Variants in SHC2 observed in about 807,000 individuals in gnomAD.
The protein encoded by SHC2 is SHC-transforming protein 2.
SHC2 carries 62 observed loss-of-function variants against 60.6 expected under a neutral mutation model. The ratio of observed to expected loss-of-function variants is 1.02; its 90% CI spans 0.83 to 1.26. The LOEUF (loss-of-function observed/expected upper bound fraction) is 1.26, where lower values mean the gene tolerates loss of function less well. Among genes scored for constraint, SHC2 ranks in the 50% most tolerant of loss-of-function variants. The pLI, the probability that SHC2 is intolerant of heterozygous loss-of-function variation, is 0.00. For synonymous variants in SHC2, 375 were observed against 372.4 expected (o/e 1.01, Z -0.08); for missense variants, 873 against 822.2 (o/e 1.06, Z -0.76).
intron 8 of SHC2, among the ~76,000 whole-genome samples, chr19:431,421 T>A (rs867666614): frequency 4.6e-3 from 281 of 60,550 alleles, no homozygotes; most frequent in African/African-American, 0.013. Flanking sequence ...TGAGTGAGAG[T>A]TAGAGGAGGC....
At chr19:439,445 C>CGGG (rs1974805708) in intron 2 of SHC2, 1 of 224,702 alleles carries the variant, frequency 4.5e-6, no homozygotes, top group Admixed American at 5.2e-5. Context: ...GAGCCTGACG[C>CGGG]GGGGTCCGTG....
chr19:443,662 A>ATGGGTGGATGAATGGATGGATGGATGGG (rs1974972127), intron 1 of SHC2, among the ~76,000 whole-genome samples: 1 of 126,866 alleles, frequency 7.9e-6, no homozygotes, highest in Non-Finnish European at 1.6e-5. Context: ...GGGTGGACAG[A>ATGGGTGGATGAATGGATGGATGGATGGG]TGGGTGGATG....
At chr19:457,405 G>GGCCTTTGCACCTGCGCCTGCTGTGCC (rs1248285226) in intron 1 of SHC2, among the ~76,000 whole-genome samples, 2 of 149,116 alleles carry the variant, frequency 1.3e-5, no homozygotes, top group African/African-American at 2.5e-5. Context: ...AAACCCCACG[G>GGCCTTTGCACCTGCGCCTGCTGTGCC]CCGGGGTTTC....
intron 1 of SHC2, among the ~76,000 whole-genome samples, chr19:443,323 T>TGGATGGAC (rs1263710105): frequency 1.0e-4 from 14 of 139,800 alleles, no homozygotes; most frequent in African/African-American, 4.2e-4. Context: ...GATGGGTGGA[T>TGGATGGAC]GGATGGATGG....
rs1196896297 is a variant in SHC2, at chr19:458,644, C to A, written c.468+1885G>T. ...GACGCGGGTTCCGGGGAGGCGGAAGCCGGTCTTGGGGAGGCGGAAGTGGGT... is the reference window on the plus strand; with the variant it reads ...GACGCGGGTTCCGGGGAGGCGGAAGACGGTCTTGGGGAGGCGGAAGTGGGT... On this transcript the variant is annotated intron_variant, in intron 1 of 12. Transcript: ENST00000264554. Among the ~76,000 whole-genome samples, 3 of 101,072 alleles carry A rather than the reference C, an allele frequency of 3.0e-5. No individual in the cohort carries two copies. In the South Asian group the frequency reaches 9.8e-4, roughly 33 times the overall value. The allele number at this position is 101,072 out of a possible 152,430, so 66.3% of individuals were successfully genotyped here.
Position 424,334 on chromosome 19 carries a change from A to G in SHC2, c.1309+763T>C, listed in dbSNP as rs1974354495. On this transcript the variant is annotated intron_variant, in intron 10 of 12. Transcript: ENST00000264554. The surrounding 1 kb of genome is among the most constrained non-coding windows in gnomAD (Gnocchi z 4.5). Reference sequence around the variant, plus strand: ...TCCAGAGGTGGACTAAGCCTCCCTCATTGGACTGGGCGTTCCTTCAAGCAG... The same window carrying G: ...TCCAGAGGTGGACTAAGCCTCCCTCGTTGGACTGGGCGTTCCTTCAAGCAG... Among the ~76,000 whole-genome samples the G allele has an allele frequency of 6.6e-6, 1 of 152,154 alleles. No individual in the cohort carries two copies. Among genetic ancestry groups the G allele is most frequent in the South Asian group, 2.1e-4 (1 of 4,826 alleles).
At chr19:456,824 G>A (rs1435359447) in intron 1 of SHC2, among the ~76,000 whole-genome samples, 3 of 116,126 alleles carry the variant, frequency 2.6e-5, no homozygotes, top group Admixed American at 8.1e-5. Flanking sequence ...CACCTGCTGT[G>A]CCCCTGCCTG....
chr19:456,553 G>A (rs373664502), intron 1 of SHC2, among the ~76,000 whole-genome samples: 32 of 152,066 alleles, frequency 2.1e-4, no homozygotes, highest in African/African-American at 6.5e-4. Context: ...CACACTCTGC[G>A]CCACCCCCTA....
chr19:449,476 G>A (rs796375213), intron 1 of SHC2, among the ~76,000 whole-genome samples: 6 of 152,320 alleles, frequency 3.9e-5, no homozygotes, highest in South Asian at 2.1e-4. Flanking sequence ...AAATGTGATC[G>A]CAGGATTGTA....
At chr19:457,660 T>C (rs1015289576) in intron 1 of SHC2, among the ~76,000 whole-genome samples, 8 of 152,326 alleles carry the variant, frequency 5.3e-5, no homozygotes, top group African/African-American at 1.9e-4. Context: ...AAATATTTCC[T>C]GCAGTGACGG....
At position 438,019 on chromosome 19, in the gene SHC2, CTG is replaced by C. The variant is rs1264161706; in HGVS notation, c.720+697_720+698del. 6.6e-6 allele frequency among the ~76,000 whole-genome samples: 1 copy of C among 152,198 alleles called. No homozygotes were observed. Among genetic ancestry groups the C allele is most frequent in the African/African-American group, 2.4e-5 (1 of 41,440 alleles). On this transcript the variant is annotated intron_variant, in intron 4 of 12. Transcript: ENST00000264554. The surrounding 1 kb of genome is among the most constrained non-coding windows in gnomAD (Gnocchi z 5.0). ...TGGTTTTTTGAGACAGAGTCTCACT[CTG>C]TTGCCCAGGCTGGAGTGCAGTAGTG...
At chr19:423,196 T>C (rs1392988636) in intron 10 of SHC2, among the ~76,000 whole-genome samples, 6 of 42,038 alleles carry the variant, frequency 1.4e-4, no homozygotes, top group African/African-American at 7.4e-4. Context: ...CCTCCCGCCC[T>C]GACCCTCACT....
intron 1 of SHC2, among the ~76,000 whole-genome samples, chr19:451,271 C>T (rs1012670794): frequency 2.1e-5 from 3 of 143,328 alleles, no homozygotes; most frequent in Admixed American, 1.4e-4. Flanking sequence ...CGTGGCTGTG[C>T]TGTATTTCAG....
At chr19:457,014 ACT>A (rs1568299694) in intron 1 of SHC2, among the ~76,000 whole-genome samples, 1 of 136,692 alleles carries the variant, frequency 7.3e-6, no homozygotes, top group African/African-American at 2.9e-5. Context: ...CCCGCCTAGA[ACT>A]CTGTCTGTAA....
At chr19:457,505 G>T (rs903153014) in intron 1 of SHC2, among the ~76,000 whole-genome samples, 8 of 148,326 alleles carry the variant, frequency 5.4e-5, no homozygotes, top group African/African-American at 2.0e-4. Context: ...TAGCTCTGCA[G>T]AGCCGCTACC....
At position 446,708 on chromosome 19, in the gene SHC2, C is replaced by G. The variant is rs1460033241; in HGVS notation, c.469-5776G>C. 1.3e-5 allele frequency among the ~76,000 whole-genome samples: 2 copies of G among 152,130 alleles called. No individual in the cohort carries two copies. The highest frequency in any genetic ancestry group is 4.8e-5 in the African/African-American group (2 of 41,412). On this transcript the variant is annotated intron_variant, in intron 1 of 12. Transcript: ENST00000264554. The surrounding 1 kb of genome is among the most constrained non-coding windows in gnomAD (Gnocchi z 5.4). ...GAGCCCTGGCGGCTTCACATTCAACCTTCCCCTTTGCAAATTCAGAAACTG... is the reference window on the plus strand; with the variant it reads ...GAGCCCTGGCGGCTTCACATTCAACGTTCCCCTTTGCAAATTCAGAAACTG...
chr19:450,997 T>C (rs1211556948), intron 1 of SHC2, among the ~76,000 whole-genome samples: 4 of 149,770 alleles, frequency 2.7e-5, no homozygotes, highest in Non-Finnish European at 5.9e-5. Flanking sequence ...GGCCACGCCA[T>C]GGCTGTGCCG....
rs749586586 is a variant in SHC2 at position 441,337 on chromosome 19, G to A, written c.469-405C>T. On this transcript the variant is annotated intron_variant, in intron 1 of 12. Transcript: ENST00000264554. The surrounding 1 kb of genome is among the most constrained non-coding windows in gnomAD (Gnocchi z 4.9). ...TCAGGGTCTGGCAAACAGTGGGGCA[G>A]ACGTCCAGGGCAGCCACAGATGCAC... 2.8e-5 allele frequency: 5 copies of A among 177,266 alleles called. No homozygotes were observed. The highest frequency in any genetic ancestry group is 5.5e-5 in the Non-Finnish European group (5 of 91,286). The allele number at this position is 177,266 out of a possible 1,614,324, so 11.0% of individuals were successfully genotyped here. A position where few individuals can be genotyped will look rare whatever the true frequency, so the allele number is the denominator to read the frequency against.
rs529692816 is a variant in SHC2, at chr19:451,388, G to A, written c.468+9141C>T. Among the ~76,000 whole-genome samples the A allele has an allele frequency of 1.2e-3, 180 of 150,762 alleles. No homozygotes were observed. In the East Asian group the frequency reaches 0.016, roughly 13 times the overall value. ...GGATGGCCACGCCGTGGGCCACGTC[G>A]TATTTCAGCATGTGGATGGCCATGC... On this transcript the variant is annotated intron_variant, in intron 1 of 12. Transcript: ENST00000264554.
Sources: allele counts gnomAD v4.1 joint callset (sites outside exome capture counted in the v4.1 genomes callset), GRCh38; gene constraint gnomAD v4.1.1; non-coding constraint Gnocchi (gnomAD v3.1); transcripts MANE v1.5; gene names NCBI Gene and HGNC (gene_info 2026-07-23, HGNC 2026-07-21).